Variants in TLL2 observed in about 807,000 individuals in gnomAD.
TLL2 encodes tolloid like 2, also known as tolloid-like protein 2.
TLL2 carries 106 observed loss-of-function variants against 123.0 expected under a neutral mutation model. The observed-to-expected ratio is 0.86, with a 90% CI of 0.74 to 1.01. The LOEUF (loss-of-function observed/expected upper bound fraction) is 1.01, where lower values mean the gene tolerates loss of function less well. Ranked by LOEUF, TLL2 falls within the 50% of genes least tolerant of loss-of-function variation. The pLI, the probability that TLL2 is intolerant of heterozygous loss-of-function variation, is 0.00. For missense variants in TLL2, 1,332 were observed against 1,336.7 expected, an observed-to-expected ratio of 1.00 and a Z score of 0.06; for synonymous variants, 494 against 516.8, an observed-to-expected ratio of 0.96 and a Z score of 0.60.
rs1420974341 is a variant in TLL2, at chr10:96,369,762, A to G, written c.2913+303T>C. Among the ~76,000 whole-genome samples, 4 of 143,624 alleles carry G rather than the reference A, an allele frequency of 2.8e-5. No homozygotes were observed. In the East Asian group the frequency reaches 7.9e-4, roughly 28 times the overall value. 94.2% of individuals were successfully genotyped at this position (143,624 alleles called of 152,430 possible). ...ACTCCGTCTCGGGGGAAAAAAAAGA[A>G]AAAAAAAAAAAAGGAGGGGAGAGGG... On this transcript the variant is annotated intron_variant, in intron 20 of 20. Transcript: ENST00000357947.
chr10:96,503,980 A>G (rs1296816865), intron 1 of TLL2, among the ~76,000 whole-genome samples: 2 of 152,154 alleles, frequency 1.3e-5, no homozygotes, highest in African/African-American at 2.4e-5. Context: ...CGTAGAGGGG[A>G]AAACAGGGAT....
At chr10:96,493,819 C>A (rs926031970) in intron 1 of TLL2, among the ~76,000 whole-genome samples, 1 of 152,190 alleles carries the variant, frequency 6.6e-6, no homozygotes, top group Non-Finnish European at 1.5e-5. Flanking sequence ...TCCCCGAATC[C>A]GTGAGTGAAC....
At chr10:96,450,963 C>G (rs1374190665) in intron 2 of TLL2, among the ~76,000 whole-genome samples, 1 of 152,192 alleles carries the variant, frequency 6.6e-6, no homozygotes, top group Admixed American at 6.5e-5. Context: ...GAGGTTTATT[C>G]AGACGTCTCC....
chr10:96,379,930 C>T (rs994350053), intron 16 of TLL2, among the ~76,000 whole-genome samples: 1 of 152,312 alleles, frequency 6.6e-6, no homozygotes, highest in East Asian at 1.9e-4. Flanking sequence ...GCTCAAGTGC[C>T]GCGACTCCAC....
At position 96,413,318 on chromosome 10, in the gene TLL2, T is replaced by C; in HGVS notation, c.924-2A>G. ...AGGATGGTGTCTAAGAAAACTCCTCTACAGGAAGGAAAAAAGACAGAAAAA... is the reference window on the plus strand; with the variant it reads ...AGGATGGTGTCTAAGAAAACTCCTCCACAGGAAGGAAAAAAGACAGAAAAA... On this transcript the variant is annotated splice_acceptor_variant, in intron 7 of 20. Transcript: ENST00000357947. LOFTEE classifies it high-confidence loss of function. 6.2e-7 allele frequency: 1 copy of C among 1,612,442 alleles called. No individual in the cohort carries two copies. The highest frequency in any genetic ancestry group is 8.5e-7 in the Non-Finnish European group (1 of 1,178,728).
At chr10:96,437,369 A>G (rs1409498523) in intron 3 of TLL2, among the ~76,000 whole-genome samples, 1 of 152,216 alleles carries the variant, frequency 6.6e-6, no homozygotes, top group Non-Finnish European at 1.5e-5. Flanking sequence ...CATTGATACA[A>G]GCCACTGATT....
At chr10:96,412,432 C>T (rs1232252083) in intron 8 of TLL2, among the ~76,000 whole-genome samples, 1 of 152,202 alleles carries the variant, frequency 6.6e-6, no homozygotes, top group East Asian at 1.9e-4. Context: ...AAAAACTCAG[C>T]TGCCCTAACC....
chr10:96,512,342 C>A (rs1337647975), intron 1 of TLL2, among the ~76,000 whole-genome samples: 1 of 152,230 alleles, frequency 6.6e-6, no homozygotes, highest in Non-Finnish European at 1.5e-5. Flanking sequence ...AATTTTCCCA[C>A]AAATCACCTG....
rs995822553 is a variant in TLL2, at chr10:96,366,961, T to C, written c.*1127A>G. On this transcript the variant is annotated 3_prime_UTR_variant, in exon 21 of 21. Transcript: ENST00000357947. ...CTTCTCTAGAACAAGTGCCAAGTGT[T>C]ATGAATTCTGTTTGCAAGTTGGTGA... 6.6e-6 allele frequency: 1 copy of C among 152,638 alleles called. No individual in the cohort carries two copies. Among genetic ancestry groups the C allele is most frequent in the Admixed American group, 6.5e-5 (1 of 15,276 alleles). The allele number at this position is 152,638 out of a possible 1,614,324, so 9.5% of individuals were successfully genotyped here.
chr10:96,407,906 C>T (rs531500224), intron 9 of TLL2, among the ~76,000 whole-genome samples: 6 of 152,318 alleles, frequency 3.9e-5, no homozygotes, highest in South Asian at 2.1e-4. Flanking sequence ...TGTGTGCGCA[C>T]GCTGTCACTC....
chr10:96,416,265 AC>A (rs1012779284), intron 7 of TLL2, among the ~76,000 whole-genome samples: 7 of 152,018 alleles, frequency 4.6e-5, no homozygotes, highest in Non-Finnish European at 1.0e-4. Context: ...GTCTATAAGC[AC>A]CCCACGCTAC....
At chr10:96,481,553 G>A (rs1847312171) in intron 1 of TLL2, among the ~76,000 whole-genome samples, 1 of 152,164 alleles carries the variant, frequency 6.6e-6, no homozygotes, top group South Asian at 2.1e-4. Context: ...AGGTGTCAAG[G>A]AAACTGTTAC....
intron 3 of TLL2, among the ~76,000 whole-genome samples, chr10:96,436,378 G>T (rs1031766809): frequency 1.1e-4 from 16 of 152,184 alleles, no homozygotes; most frequent in African/African-American, 3.4e-4. Context: ...TTATAATAAT[G>T]TGTGATGTCT....
At chr10:96,413,506 AG>A (rs1846527486) in intron 7 of TLL2, among the ~76,000 whole-genome samples, 190 bp from the exon 8 acceptor site, 1 of 152,120 alleles carries the variant, frequency 6.6e-6, no homozygotes, top group Non-Finnish European at 1.5e-5. Flanking sequence ...CCATCTCATC[AG>A]CTGCCTACTC....
At chr10:96,380,473 T>C (rs1388345245) in intron 16 of TLL2, among the ~76,000 whole-genome samples, 1 of 151,828 alleles carries the variant, frequency 6.6e-6, no homozygotes, top group African/African-American at 2.4e-5. Context: ...GATCAGGAGA[T>C]TGAGACCATC....
At chr10:96,428,022 C>T (rs373793063) in intron 5 of TLL2, among the ~76,000 whole-genome samples, 3 of 152,044 alleles carry the variant, frequency 2.0e-5, no homozygotes, top group Non-Finnish European at 4.4e-5. Context: ...CTGGAACTCC[C>T]GACCTAAGGT....
chr10:96,379,054 G>C lies in TLL2; in HGVS notation c.2233C>G (p.His745Asp), dbSNP rs748369625. The C allele has an allele frequency of 1.2e-6, 2 of 1,614,062 alleles. No homozygotes were observed. Among genetic ancestry groups the C allele is most frequent in the African/African-American group, 2.7e-5 (2 of 74,940 alleles). The change falls in exon 17 of 21, where the codon CAT (histidine) becomes GAT (aspartate). Residue 745 changes from histidine (H) to aspartate (D), a missense_variant. Coordinates refer to ENST00000357947, the MANE Select transcript of TLL2 (RefSeq NM_012465.4). ...CTCCCGAAGGTGTTGACGCACTCAT[G>C]CTGACACCCGCCGTTGTCCTTGGCA... is the stretch of plus-strand genomic sequence containing the variant. ...ECAKDNGGCQ[H>D]ECVNTFGSYL... is the part of the protein sequence containing the mutation.
At chr10:96,378,919 G>A (rs1469144181) in intron 17 of TLL2, 48 bp downstream of exon 17, 2 of 1,608,620 alleles carry the variant, frequency 1.2e-6, no homozygotes, top group Non-Finnish European at 1.7e-6. Flanking sequence ...GGCATGGGGT[G>A]CGGCGAAGGG....
At chr10:96,423,747 T>C (rs1846649387) in intron 5 of TLL2, among the ~76,000 whole-genome samples, 1 of 152,194 alleles carries the variant, frequency 6.6e-6, no homozygotes, top group South Asian at 2.1e-4. Context: ...CAAAATGTTG[T>C]CTGTTTATAT....
Sources: allele counts gnomAD v4.1 joint callset (sites outside exome capture counted in the v4.1 genomes callset), GRCh38; gene constraint gnomAD v4.1.1; transcripts MANE v1.5; gene names NCBI Gene and HGNC (gene_info 2026-07-23, HGNC 2026-07-21).